Variants in SLC12A7 observed in about 807,000 individuals in gnomAD.
SLC12A7 encodes K-Cl cotransporter 4.
A neutral mutation model predicts 120.6 loss-of-function variants in SLC12A7; 100 were observed. That is an observed-to-expected ratio of 0.83 (90% CI 0.71 to 0.98). The LOEUF (loss-of-function observed/expected upper bound fraction) is 0.98, where lower values mean the gene tolerates loss of function less well. SLC12A7 is among the 50% of genes least tolerant of loss of function. The probability of loss-of-function intolerance (pLI) is 0.00; values close to 1 mark genes in which losing one functional copy is unlikely to be tolerated. For synonymous variants in SLC12A7, 760 were observed against 678.0 expected (o/e 1.12, Z -1.88); for missense variants, 1,373 against 1,548.1 (o/e 0.89, Z 1.90).
intron 11 of SLC12A7, 56 bp downstream of exon 11, chr5:1,078,645 C>T: frequency 2.8e-6 from 4 of 1,427,186 alleles, no homozygotes; most frequent in Non-Finnish European, 2.0e-6. Flanking sequence ...AATTCATCCT[C>T]AGGAAAACCC....
intron 7 of SLC12A7, among the ~76,000 whole-genome samples, chr5:1,084,528 G>A (rs1261184850): frequency 1.3e-5 from 2 of 152,208 alleles, no homozygotes; most frequent in Non-Finnish European, 2.9e-5. Context: ...AGCCAGGCCT[G>A]TACGTGGAAA....
At chr5:1,123,844 T>C in the SLC12A7 span, among the ~76,000 whole-genome samples, 29 of 152,366 alleles carry the variant, frequency 1.9e-4, no homozygotes, top group East Asian at 5.6e-3. Flanking sequence ...TTTGTTTCAT[T>C]AAGAGAAGAG....
chr5:1,108,612 G>C, intron 1 of SLC12A7, among the ~76,000 whole-genome samples: 1 of 152,282 alleles, frequency 6.6e-6, no homozygotes, highest in Admixed American at 6.5e-5. Context: ...GAACCTGGAC[G>C]CTCTGTGTGT....
chr5:1,100,981 C>G (rs898609208), intron 1 of SLC12A7, among the ~76,000 whole-genome samples: 18 of 152,172 alleles, frequency 1.2e-4, no homozygotes, highest in Admixed American at 9.8e-4. Flanking sequence ...GAGCCCTCGA[C>G]GAGCTGAGCC....
intron 22 of SLC12A7, chr5:1,057,258 A>G: frequency 1.9e-6 from 1 of 536,010 alleles, no homozygotes. Context: ...AGGATCCCTC[A>G]GCGCCCGGCC....
chr5:1,116,661 G>A (rs1046346897), upstream of SLC12A7, among the ~76,000 whole-genome samples: 1 of 152,204 alleles, frequency 6.6e-6, no homozygotes, highest in Non-Finnish European at 1.5e-5. Flanking sequence ...TTTAGACCAC[G>A]TGTGTGGCTT....
At chr5:1,108,661 A>G (rs1379972552) in intron 1 of SLC12A7, among the ~76,000 whole-genome samples, 1 of 152,190 alleles carries the variant, frequency 6.6e-6, no homozygotes, top group African/African-American at 2.4e-5. Flanking sequence ...AAGTCCCTGC[A>G]TCCCCAAAGG....
chr5:1,065,056 G>A (rs1361682724), intron 18 of SLC12A7, among the ~76,000 whole-genome samples: 2 of 148,252 alleles, frequency 1.3e-5, no homozygotes, highest in African/African-American at 5.0e-5. Context: ...GAGGCAGAGG[G>A]GGACAGTGAG....
intron 21 of SLC12A7, 32 bp downstream of exon 21, chr5:1,060,312 G>A (rs1364266453): frequency 1.3e-6 from 2 of 1,520,404 alleles, no homozygotes; most frequent in Non-Finnish European, 1.8e-6. Context: ...TTCTCAGAAA[G>A]CCTGGTGTCT....
chr5:1,112,170 T>A, upstream of SLC12A7: 1 of 671,364 alleles, frequency 1.5e-6, no homozygotes, highest in Non-Finnish European at 2.0e-6. Flanking sequence ...GGCGACTTCC[T>A]GCAGGGACCC....
intron 8 of SLC12A7, among the ~76,000 whole-genome samples, chr5:1,082,122 GC>G (rs1349046571): frequency 2.0e-5 from 3 of 147,794 alleles, no homozygotes; most frequent in African/African-American, 7.5e-5. Context: ...GAAAGTCCGG[GC>G]TTCCCCGTCT....
At chr5:1,066,539 G>A (rs1320941759) in intron 17 of SLC12A7, among the ~76,000 whole-genome samples, 1 of 152,202 alleles carries the variant, frequency 6.6e-6, no homozygotes, top group East Asian at 1.9e-4. Context: ...CCCCAAAAAA[G>A]AGGATACCCG....
intron 18 of SLC12A7, among the ~76,000 whole-genome samples, chr5:1,064,848 C>A (rs1409418036): frequency 1.0e-5 from 1 of 97,570 alleles, no homozygotes; most frequent in African/African-American, 3.7e-5. Context: ...GAAGCGACGG[C>A]GAGGAGACGG....
the SLC12A7 span, among the ~76,000 whole-genome samples, chr5:1,123,314 G>T: frequency 1.8e-4 from 27 of 152,208 alleles, 2 homozygotes; most frequent in Admixed American, 1.8e-3. Context: ...GAGCAGGAGT[G>T]GTCGCAGGGA....
At chr5:1,083,720 C>T in intron 8 of SLC12A7, 25 bp downstream of exon 8, 2 of 1,609,190 alleles carry the variant, frequency 1.2e-6, no homozygotes, top group South Asian at 2.2e-5. Flanking sequence ...CCCCCCAGCT[C>T]CAGCTGCAGC....
upstream of SLC12A7, among the ~76,000 whole-genome samples, chr5:1,115,899 A>C (rs949940702): frequency 7.3e-6 from 1 of 136,910 alleles, no homozygotes; most frequent in African/African-American, 3.4e-5. Flanking sequence ...GGGAGGCCCC[A>C]GTTACCCAAG....
At chr5:1,082,295 G>A (rs1230891017) in intron 8 of SLC12A7, among the ~76,000 whole-genome samples, 2 of 147,826 alleles carry the variant, frequency 1.4e-5, no homozygotes, top group Non-Finnish European at 3.0e-5. Flanking sequence ...TCGGGTTCTG[G>A]AAAGCCTGGG....
chr5:1,062,506 G>A (rs2150794242), intron 20 of SLC12A7, among the ~76,000 whole-genome samples: 1 of 152,310 alleles, frequency 6.6e-6, no homozygotes, highest in Admixed American at 6.5e-5. Context: ...GCCTAGGAAA[G>A]GTCCTGCAGG....
the SLC12A7 span, among the ~76,000 whole-genome samples, chr5:1,130,825 CA>C: frequency 2.0e-5 from 3 of 152,226 alleles, no homozygotes; most frequent in South Asian, 6.2e-4. Context: ...CTGAGCTCAG[CA>C]CAGCCCATGC....
Sources: allele counts gnomAD v4.1 joint callset (sites outside exome capture counted in the v4.1 genomes callset), GRCh38; gene constraint gnomAD v4.1.1; transcripts MANE v1.5; gene names NCBI Gene and HGNC (gene_info 2026-07-23, HGNC 2026-07-21).